LIN54: variants seen among roughly 807,000 people sequenced by gnomAD.
The protein encoded by LIN54 is protein lin-54 homolog.
LIN54 carries 9 observed loss-of-function variants against 78.7 expected under a neutral mutation model. The observed-to-expected ratio is 0.11, with a 90% CI of 0.07 to 0.20. The LOEUF is 0.20. Ranked by LOEUF, LIN54 falls within the 10% of genes least tolerant of loss-of-function variation. LIN54 has a pLI of 1.00. For missense variants in LIN54, 573 were observed against 889.9 expected (o/e 0.64, Z 4.53); for synonymous variants, 269 against 318.4 (o/e 0.84, Z 1.65).
intron 4 of LIN54, among the ~76,000 whole-genome samples, chr4:82,947,695 G>C (rs895590133): frequency 6.6e-6 from 1 of 152,104 alleles, no homozygotes; most frequent in African/African-American, 2.4e-5. Context: ...AGTCTTTTGA[G>C]AAGTCCCTAA....
At chr4:82,994,415 TGA>T (rs1206519184) in intron 1 of LIN54, among the ~76,000 whole-genome samples, 1 of 151,984 alleles carries the variant, frequency 6.6e-6, no homozygotes, top group Non-Finnish European at 1.5e-5. Flanking sequence ...TTTTTTTTTT[TGA>T]GACAGAGTCT....
In LIN54 at chr4:83,010,661, G is replaced by A. The variant is rs1406150252; in HGVS notation, c.-210C>T. The A allele has an allele frequency of 2.4e-6, 3 of 1,231,632 alleles. No homozygotes were observed. Among genetic ancestry groups the A allele is most frequent in the African/African-American group, 3.1e-5 (2 of 64,386 alleles). The allele number at this position is 1,231,632 out of a possible 1,614,324, so 76.3% of individuals were successfully genotyped here. The stretch of plus-strand genomic sequence containing the variant: ...TCCAGGGTACCCGGGGACCGAGAAG[G>A]GAGCCGGGGTGGCGACGTCGCCGTC... On this transcript the variant is annotated 5_prime_UTR_variant, in exon 1 of 13. Transcript: ENST00000340417.
At chr4:82,953,161 T>A (rs912445482) in intron 4 of LIN54, among the ~76,000 whole-genome samples, 2 of 152,092 alleles carry the variant, frequency 1.3e-5, no homozygotes, top group African/African-American at 2.4e-5. Flanking sequence ...GCTAATTTTT[T>A]AATTTTTATA....
intron 1 of LIN54, among the ~76,000 whole-genome samples, chr4:82,990,011 T>C (rs1050982398): frequency 6.6e-6 from 1 of 152,188 alleles, no homozygotes; most frequent in East Asian, 1.9e-4. Flanking sequence ...CTCTAAATTA[T>C]TCATTAACAG....
intron 1 of LIN54, among the ~76,000 whole-genome samples, chr4:82,987,245 C>A (rs1727232026): frequency 1.3e-5 from 2 of 152,138 alleles, no homozygotes; most frequent in Admixed American, 6.5e-5. Context: ...GAGCCAAGAT[C>A]GTGCCACTGC....
intron 12 of LIN54, among the ~76,000 whole-genome samples, chr4:82,928,706 G>A (rs575348375): frequency 1.0e-3 from 158 of 152,248 alleles, no homozygotes; most frequent in South Asian, 5.2e-3. Flanking sequence ...ACATAGAGAC[G>A]CTACATGAAT....
At chr4:82,942,060 AG>A (rs1486822649) in intron 5 of LIN54, among the ~76,000 whole-genome samples, 1 of 152,210 alleles carries the variant, frequency 6.6e-6, no homozygotes, top group Non-Finnish European at 1.5e-5. Flanking sequence ...TCTGAAAGAG[AG>A]GTTGAGAGAA....
upstream of LIN54, chr4:83,011,962 T>C: frequency 1.1e-6 from 1 of 907,638 alleles, no homozygotes; most frequent in South Asian, 5.1e-5. Context: ...CTGTCTAAGT[T>C]AGTGTAGGAA....
chr4:82,988,311 G>A (rs930978874), intron 1 of LIN54, among the ~76,000 whole-genome samples: 4 of 151,980 alleles, frequency 2.6e-5, no homozygotes, highest in African/African-American at 9.7e-5. Context: ...TTTTCTCTCA[G>A]CATGCTTTTG....
chr4:83,008,655 G>T (rs902449888), intron 1 of LIN54, among the ~76,000 whole-genome samples: 3 of 152,172 alleles, frequency 2.0e-5, no homozygotes, highest in Non-Finnish European at 4.4e-5. Flanking sequence ...CTGGGCGACA[G>T]AGTGAAACTC....
At chr4:83,007,264 A>T (rs563305462) in intron 1 of LIN54, among the ~76,000 whole-genome samples, 2 of 152,332 alleles carry the variant, frequency 1.3e-5, no homozygotes, top group African/African-American at 2.4e-5. Flanking sequence ...GTACCAAGGG[A>T]TAGGCATTGT....
intron 1 of LIN54, chr4:83,003,438 AG>A (rs1163185588): frequency 6.6e-6 from 1 of 152,176 alleles, no homozygotes; most frequent in Non-Finnish European, 1.5e-5. Flanking sequence ...AAGTTTTGAA[AG>A]GTTTGTATTT....
intron 1 of LIN54, among the ~76,000 whole-genome samples, chr4:83,009,942 A>G (rs564824380): frequency 6.6e-6 from 1 of 152,232 alleles, no homozygotes; most frequent in Non-Finnish European, 1.5e-5. Context: ...ATGAGTATAA[A>G]ATATAACTGA....
intron 2 of LIN54, among the ~76,000 whole-genome samples, chr4:82,980,524 C>G (rs1296114539): frequency 1.3e-5 from 2 of 151,450 alleles, no homozygotes; most frequent in Non-Finnish European, 2.9e-5. Flanking sequence ...ATACTCAGAG[C>G]ACATTACTGA....
At chr4:82,980,209 T>C (rs1002691919) in intron 2 of LIN54, among the ~76,000 whole-genome samples, 28 of 152,198 alleles carry the variant, frequency 1.8e-4, no homozygotes, top group Middle Eastern at 3.4e-3. Flanking sequence ...TATCACCATA[T>C]ACAAAGACAC....
intron 5 of LIN54, among the ~76,000 whole-genome samples, chr4:82,942,869 CA>C (rs1196329185): frequency 2.5e-5 from 1 of 39,294 alleles, no homozygotes; most frequent in Non-Finnish European, 4.3e-5. Flanking sequence ...CGCACACACA[CA>C]CACACACACA....
chr4:82,985,562 A>G (rs1727054547), intron 1 of LIN54, among the ~76,000 whole-genome samples: 1 of 152,140 alleles, frequency 6.6e-6, no homozygotes, highest in South Asian at 2.1e-4. Context: ...AATTATTGAG[A>G]CGGAGTCTCA....
At chr4:83,001,677 C>T (rs1728786487) in intron 1 of LIN54, among the ~76,000 whole-genome samples, 1 of 149,762 alleles carries the variant, frequency 6.7e-6, no homozygotes, top group Non-Finnish European at 1.5e-5. Flanking sequence ...AACCCCGTCT[C>T]TACTAAAAAT....
In LIN54 at chr4:82,926,005, TTAGA is replaced by T. The variant is rs1355567279; in HGVS notation, c.*2093_*2096del. 1 of 152,602 alleles carries T rather than the reference TTAGA, an allele frequency of 6.6e-6. No homozygotes were observed. Among genetic ancestry groups the T allele is most frequent in the Non-Finnish European group, 1.5e-5 (1 of 68,008 alleles). 9.5% of individuals were successfully genotyped at this position (152,602 alleles called of 1,614,324 possible). ...CACAGGAAGGAAAAGGCTTAATATT[TTAGA>T]TAGATAGATTTTTGAAAATCAGAAA... is the stretch of plus-strand genomic sequence containing the variant. On this transcript the variant is annotated 3_prime_UTR_variant, in exon 13 of 13. Transcript: ENST00000340417.
Sources: allele counts gnomAD v4.1 joint callset (sites outside exome capture counted in the v4.1 genomes callset), GRCh38; gene constraint gnomAD v4.1.1; transcripts MANE v1.5; gene names NCBI Gene and HGNC (gene_info 2026-07-23, HGNC 2026-07-21).